The following TMEM132D variants were observed in gnomAD, a reference collection of about 807,000 sequenced individuals.
TMEM132D encodes mature OL transmembrane protein.
TMEM132D carries 21 observed loss-of-function variants against 62.3 expected under a neutral mutation model. The observed-to-expected ratio is 0.34, with a 90% confidence interval of 0.24 to 0.49. The LOEUF is 0.49. Among genes scored for constraint, TMEM132D ranks in the 20% least tolerant of loss-of-function variants. The pLI is 0.99. For synonymous variants in TMEM132D, 621 were observed against 575.6 expected, an observed-to-expected ratio of 1.08 and a Z score of -1.13; for missense variants, 1,346 against 1,402.8, an observed-to-expected ratio of 0.96 and a Z score of 0.65.
At chr12:129,234,602 T>C (rs1413195031) in intron 4 of TMEM132D, among the ~76,000 whole-genome samples, 1 of 152,230 alleles carries the variant, frequency 6.6e-6, no homozygotes, top group African/African-American at 2.4e-5. Context: ...GTATATTTTT[T>C]CTGCTTTTAC....
At chr12:129,183,056 T>G (rs1178142983) in intron 5 of TMEM132D, among the ~76,000 whole-genome samples, 1 of 152,186 alleles carries the variant, frequency 6.6e-6, no homozygotes, top group African/African-American at 2.4e-5. Flanking sequence ...CAAGAATGAC[T>G]GCTCCAAGAA....
At chr12:129,713,666 G>A (rs1868458897) in intron 1 of TMEM132D, among the ~76,000 whole-genome samples, 3 of 152,150 alleles carry the variant, frequency 2.0e-5, no homozygotes, top group Admixed American at 2.0e-4. Context: ...GCAGGTGTGT[G>A]AGTCCCAGCC....
At chr12:129,742,965 T>C (rs780671898) in intron 1 of TMEM132D, among the ~76,000 whole-genome samples, 6 of 152,212 alleles carry the variant, frequency 3.9e-5, no homozygotes, top group Non-Finnish European at 5.9e-5. Context: ...AATGAACACA[T>C]TGCTTTTGTC....
chr12:129,749,616 C>T (rs1222635259), intron 1 of TMEM132D, among the ~76,000 whole-genome samples: 1 of 113,486 alleles, frequency 8.8e-6, no homozygotes, highest in African/African-American at 2.9e-5. Flanking sequence ...GCCACCATGC[C>T]CCACTAATTT....
chr12:129,306,939 G>A (rs1239580911), intron 4 of TMEM132D, among the ~76,000 whole-genome samples: 2 of 152,278 alleles, frequency 1.3e-5, no homozygotes, highest in African/African-American at 2.4e-5. Flanking sequence ...CTAGGAATCC[G>A]CTAGTGAGCG....
chr12:129,113,986 C>A (rs949866943), intron 5 of TMEM132D, among the ~76,000 whole-genome samples: 22 of 152,100 alleles, frequency 1.4e-4, no homozygotes, highest in African/African-American at 5.1e-4. Context: ...ACCACCCAAG[C>A]AAGCTCTGGG....
chr12:129,200,200 A>G (rs997532107), intron 5 of TMEM132D, among the ~76,000 whole-genome samples: 5 of 152,170 alleles, frequency 3.3e-5, no homozygotes, highest in African/African-American at 1.2e-4. Context: ...CTGTAGCTAC[A>G]GAGTCCTTTC....
At chr12:129,815,720 T>C (rs1035102265) in intron 1 of TMEM132D, among the ~76,000 whole-genome samples, 1 of 152,248 alleles carries the variant, frequency 6.6e-6, no homozygotes, top group African/African-American at 2.4e-5. Context: ...ATTAGTTTTA[T>C]TTTCTCCAAG....
chr12:129,635,474 T>G (rs1426345807), intron 2 of TMEM132D, among the ~76,000 whole-genome samples: 1 of 152,180 alleles, frequency 6.6e-6, no homozygotes, highest in East Asian at 1.9e-4. Context: ...GCAGTCGCCC[T>G]CCTTAACATC....
At chr12:129,643,885 A>AC (rs1427584481) in intron 2 of TMEM132D, among the ~76,000 whole-genome samples, 1 of 148,032 alleles carries the variant, frequency 6.8e-6, no homozygotes, top group African/African-American at 2.5e-5. Context: ...TCACTCTGTC[A>AC]CCAGACTGGA....
At chr12:129,819,195 A>T (rs1390460846) in intron 1 of TMEM132D, among the ~76,000 whole-genome samples, 2 of 152,030 alleles carry the variant, frequency 1.3e-5, no homozygotes, top group African/African-American at 4.8e-5. Context: ...AAATTCCATA[A>T]AGATAGTGAA....
At chr12:129,338,972 C>G (rs904165704) in intron 3 of TMEM132D, among the ~76,000 whole-genome samples, 2 of 150,678 alleles carry the variant, frequency 1.3e-5, no homozygotes, top group African/African-American at 2.4e-5. Context: ...GAGAGACAGA[C>G]AGAGAGAGAG....
chr12:129,708,270 C>T (rs1186652766), intron 1 of TMEM132D, among the ~76,000 whole-genome samples: 2 of 151,968 alleles, frequency 1.3e-5, no homozygotes, highest in African/African-American at 4.8e-5. Context: ...AGTTATCTAG[C>T]CAATCAAATA....
At chr12:129,366,622 G>T (rs116938780) in intron 3 of TMEM132D, among the ~76,000 whole-genome samples, 1 of 152,158 alleles carries the variant, frequency 6.6e-6, no homozygotes. Flanking sequence ...GGACTAATAC[G>T]CCGTGTGAGC....
intron 1 of TMEM132D, among the ~76,000 whole-genome samples, chr12:129,758,416 C>T (rs4760003): frequency 1.3e-5 from 2 of 152,144 alleles, no homozygotes; most frequent in Non-Finnish European, 2.9e-5. Flanking sequence ...TAAGCTCTCA[C>T]AATTCCTCCT....
At chr12:129,130,703 GGA>G (rs1372422975) in intron 5 of TMEM132D, among the ~76,000 whole-genome samples, 2 of 152,170 alleles carry the variant, frequency 1.3e-5, no homozygotes, top group African/African-American at 4.8e-5. Flanking sequence ...GGCAGTGAGA[GGA>G]GAGACAGGGT....
chr12:129,199,235 T>C (rs1460286413), intron 5 of TMEM132D, among the ~76,000 whole-genome samples: 1 of 151,486 alleles, frequency 6.6e-6, no homozygotes, highest in Non-Finnish European at 1.5e-5. Flanking sequence ...TCAGTGTCCT[T>C]AATAGCTAGG....
chr12:129,212,776 CT>C (rs1306159730), intron 4 of TMEM132D: 1 of 152,170 alleles, frequency 6.6e-6, no homozygotes, highest in African/African-American at 2.4e-5. Flanking sequence ...CACTACAGAA[CT>C]TTAGGCACTC....
intron 2 of TMEM132D, among the ~76,000 whole-genome samples, chr12:129,565,525 C>G (rs1051284842): frequency 6.6e-6 from 1 of 152,228 alleles, no homozygotes; most frequent in Non-Finnish European, 1.5e-5. Flanking sequence ...GCCCCTCTTT[C>G]CATTATGCCC....
Sources: gnomAD v4.1 joint callset for allele counts (sites outside exome capture counted in the v4.1 genomes callset) on GRCh38, gnomAD v4.1.1 for gene constraint, MANE v1.5 for transcripts, NCBI Gene and HGNC (gene_info 2026-07-23, HGNC 2026-07-21) for gene names.